MBNL1: variants seen among roughly 807,000 people sequenced by gnomAD.
The protein encoded by MBNL1 is muscleblind-like protein 1.
A neutral mutation model predicts 42.2 loss-of-function variants in MBNL1; 8 were observed. The observed-to-expected ratio is 0.19, with a 90% CI of 0.11 to 0.34. The LOEUF (loss-of-function observed/expected upper bound fraction) is 0.34, where lower values mean the gene tolerates loss of function less well. MBNL1 is among the 10% of genes least tolerant of loss of function. The pLI is 1.00. For synonymous variants in MBNL1, 169 were observed against 173.9 expected, an observed-to-expected ratio of 0.97 and a Z score of 0.22; for missense variants, 309 against 495.3, an observed-to-expected ratio of 0.62 and a Z score of 3.57.
intron 2 of MBNL1, among the ~76,000 whole-genome samples, chr3:152,381,055 A>G (rs1205067944): frequency 2.0e-5 from 3 of 152,094 alleles, no homozygotes; most frequent in Non-Finnish European, 2.9e-5. Context: ...AGACAAATCC[A>G]AATGGCAACA....
chr3:152,446,879 A>G, intron 5 of MBNL1: 1 of 764,512 alleles, frequency 1.3e-6, no homozygotes, highest in South Asian at 2.3e-5. Flanking sequence ...AGTACAATGA[A>G]AAAACTGAGT....
In MBNL1 at chr3:152,415,106, C is replaced by G; in HGVS notation, c.340C>G (p.Pro114Ala). The G allele has an allele frequency of 6.3e-7, 1 of 1,580,252 alleles. No homozygotes were observed. Among genetic ancestry groups the G allele is most frequent in the Non-Finnish European group, 8.6e-7 (1 of 1,166,308 alleles). The change falls in exon 3 of 10, where the codon CCC becomes GCC. Residue 114 changes from proline to alanine, a missense_variant. Pro to Ala is a conservative substitution (Grantham distance 27). Coordinates refer to ENST00000324210, the MANE Select transcript of MBNL1 (RefSeq NM_021038.5). ...NAMMPGAPLQPVPMFSVAPSL... is the reference protein window; with the variant it reads ...NAMMPGAPLQAVPMFSVAPSL... The stretch of plus-strand genomic sequence containing the variant: ...CATGATGCCTGGTGCCCCATTACAA[C>G]CCGTGGTAAGCATGTTTTCAGTCTT...
chr3:152,359,616 C>G (rs909106562), intron 2 of MBNL1, among the ~76,000 whole-genome samples: 1 of 152,186 alleles, frequency 6.6e-6, no homozygotes, highest in Non-Finnish European at 1.5e-5. Flanking sequence ...CCTGCACATT[C>G]CTGGAGAGGC....
chr3:152,344,264 C>T (rs2093848132), intron 2 of MBNL1, among the ~76,000 whole-genome samples: 1 of 152,112 alleles, frequency 6.6e-6, no homozygotes, highest in Non-Finnish European at 1.5e-5. Flanking sequence ...ACACAAAGCA[C>T]AAACTCATAC....
intron 2 of MBNL1, among the ~76,000 whole-genome samples, chr3:152,250,129 G>A (rs1460094612): frequency 2.0e-5 from 3 of 152,126 alleles, no homozygotes; most frequent in South Asian, 2.1e-4. Flanking sequence ...TATGAACTTT[G>A]AAGTAGTTTT....
At chr3:152,439,192 T>G (rs560933804) in intron 4 of MBNL1, among the ~76,000 whole-genome samples, 2 of 152,322 alleles carry the variant, frequency 1.3e-5, no homozygotes, top group Non-Finnish European at 1.5e-5. Flanking sequence ...TATGTTTCCA[T>G]TACTTACACA....
intron 2 of MBNL1, among the ~76,000 whole-genome samples, chr3:152,356,856 A>ATGTGTGTGT (rs148105214): frequency 6.7e-6 from 1 of 149,382 alleles, no homozygotes; most frequent in African/African-American, 2.5e-5. Context: ...ATATGTGTGT[A>ATGTGTGTGT]GTGTGTGTGT....
intron 2 of MBNL1, among the ~76,000 whole-genome samples, chr3:152,366,508 C>T (rs1021029910): frequency 3.3e-5 from 5 of 152,118 alleles, no homozygotes; most frequent in African/African-American, 1.2e-4. Context: ...AATGTTGATG[C>T]TATGGAAAAT....
At chr3:152,412,253 C>A (rs1468119887) in intron 2 of MBNL1, among the ~76,000 whole-genome samples, 1 of 151,560 alleles carries the variant, frequency 6.6e-6, no homozygotes, top group Non-Finnish European at 1.5e-5. Flanking sequence ...TATCTAATAT[C>A]ATTTGCAGAC....
At chr3:152,409,750 A>G (rs1460464519) in intron 2 of MBNL1, among the ~76,000 whole-genome samples, 1 of 152,210 alleles carries the variant, frequency 6.6e-6, no homozygotes, top group African/African-American at 2.4e-5. Context: ...CTACTTAAAT[A>G]GAACTTGGTA....
At chr3:152,389,787 C>T (rs528538303) in intron 2 of MBNL1, among the ~76,000 whole-genome samples, 1 of 152,286 alleles carries the variant, frequency 6.6e-6, no homozygotes, top group East Asian at 1.9e-4. Context: ...CTATACATGA[C>T]TGTTGGCTTT....
intron 2 of MBNL1, among the ~76,000 whole-genome samples, chr3:152,328,248 A>G (rs1198983864): frequency 3.3e-5 from 5 of 152,180 alleles, no homozygotes; most frequent in African/African-American, 1.2e-4. Context: ...AAGTAAGACT[A>G]GTAACACATT....
Position 152,299,556 on chromosome 3 carries a change from T to C in MBNL1, c.-638T>C, listed in dbSNP as rs927557494. The C allele has an allele frequency of 1.3e-5, 5 of 394,966 alleles. No individual in the cohort carries two copies. Among genetic ancestry groups the C allele is most frequent in the Middle Eastern group, 6.3e-4 (1 of 1,600 alleles). The allele number at this position is 394,966 out of a possible 1,614,324, so 24.5% of individuals were successfully genotyped here. ...GCCCAGACACCCCCATTTCTACTTATAATCAAGAGAAAAGCTCTAAGTATC... is the reference window on the plus strand; with the variant it reads ...GCCCAGACACCCCCATTTCTACTTACAATCAAGAGAAAAGCTCTAAGTATC... On this transcript the variant is annotated 5_prime_UTR_variant, in exon 2 of 10. Coordinates refer to ENST00000324210, the MANE Select transcript of MBNL1 (RefSeq NM_021038.5).
chr3:152,372,600 C>A (rs969205259), intron 2 of MBNL1, among the ~76,000 whole-genome samples: 5 of 152,186 alleles, frequency 3.3e-5, no homozygotes, highest in Non-Finnish European at 7.4e-5. Context: ...CACTCCAGAC[C>A]CTGTTTGCCT....
intron 2 of MBNL1, among the ~76,000 whole-genome samples, chr3:152,372,342 C>T (rs950133109): frequency 2.0e-5 from 3 of 152,128 alleles, no homozygotes; most frequent in South Asian, 2.1e-4. Context: ...TCCTTGCTGG[C>T]GAGGAGTTAT....
chr3:152,293,915 G>A (rs2057339928), intron 1 of MBNL1, among the ~76,000 whole-genome samples: 2 of 151,938 alleles, frequency 1.3e-5, no homozygotes, highest in Non-Finnish European at 2.9e-5. Flanking sequence ...ATCTTCTATA[G>A]CAGTAGGTAT....
upstream of MBNL1, chr3:152,264,439 A>G (rs2036845564): frequency 6.6e-6 from 1 of 151,950 alleles, no homozygotes; most frequent in African/African-American, 2.4e-5. Flanking sequence ...CTCATGTAGC[A>G]CCTCCTTACA....
chr3:152,278,084 A>G (rs1015497563), intron 1 of MBNL1, among the ~76,000 whole-genome samples: 5 of 152,078 alleles, frequency 3.3e-5, no homozygotes, highest in Non-Finnish European at 1.5e-5. Context: ...TAGCTATGTC[A>G]TTAAGATAAT....
intron 2 of MBNL1, among the ~76,000 whole-genome samples, chr3:152,311,444 A>T (rs2152053933): frequency 6.6e-6 from 1 of 152,328 alleles, no homozygotes; most frequent in South Asian, 2.1e-4. Context: ...GTTGTACTAT[A>T]TTAAGTTAAA....
Sources: allele counts gnomAD v4.1 joint callset (sites outside exome capture counted in the v4.1 genomes callset), GRCh38; gene constraint gnomAD v4.1.1; transcripts MANE v1.5; gene names NCBI Gene and HGNC (gene_info 2026-07-23, HGNC 2026-07-21).